Variants in TMC1 observed in about 807,000 individuals in gnomAD.
TMC1 encodes the protein transmembrane channel-like protein 1.
Under a neutral mutation model 105.8 loss-of-function variants are expected in TMC1, and 84 were observed. The ratio of observed to expected loss-of-function variants is 0.79; its 90% confidence interval spans 0.67 to 0.95. The LOEUF (loss-of-function observed/expected upper bound fraction) is 0.95. Ranked by LOEUF, TMC1 falls within the 40% of genes least tolerant of loss-of-function variation. The probability of loss-of-function intolerance (pLI) is 0.00; values close to 1 mark genes in which losing one functional copy is unlikely to be tolerated. For missense variants in TMC1, 817 were observed against 914.1 expected (o/e 0.89, Z 1.37); for synonymous variants, 315 against 311.5 (o/e 1.01, Z -0.12).
At chr9:72,606,969 A>ATG (rs1227438933) in intron 2 of TMC1, among the ~76,000 whole-genome samples, 1 of 130,012 alleles carries the variant, frequency 7.7e-6, no homozygotes, top group African/African-American at 3.1e-5. Flanking sequence ...GTATGTATGT[A>ATG]TGTGTGTGTG....
At chr9:72,570,230 A>AGTGTGTGTGTGTGTGTGTGTGT (rs3223165) in intron 1 of TMC1, among the ~76,000 whole-genome samples, 3 of 145,714 alleles carry the variant, frequency 2.1e-5, no homozygotes, top group African/African-American at 7.5e-5. Context: ...CTCAAAGAGT[A>AGTGTGTGTGTGTGTGTGTGTGT]GTGTGTGTGT....
intron 1 of TMC1, among the ~76,000 whole-genome samples, chr9:72,571,442 C>CTTTTTTTTTTT (rs35382914): frequency 1.4e-5 from 2 of 139,092 alleles, no homozygotes; most frequent in Non-Finnish European, 3.1e-5. Context: ...CAACCTCACG[C>CTTTTTTTTTTT]TTTTTTTTTT....
At chr9:72,810,152 A>C (rs1028002581) in intron 18 of TMC1, among the ~76,000 whole-genome samples, 5 of 151,856 alleles carry the variant, frequency 3.3e-5, no homozygotes, top group Admixed American at 6.6e-5. Flanking sequence ...AAAAAAAAAA[A>C]AAAACTAAAA....
intron 4 of TMC1, among the ~76,000 whole-genome samples, chr9:72,640,337 T>A (rs183474567): frequency 6.6e-6 from 1 of 152,316 alleles, no homozygotes; most frequent in Non-Finnish European, 1.5e-5. Context: ...GCCAATCCTT[T>A]ATTGTAAAGA....
intron 8 of TMC1, among the ~76,000 whole-genome samples, chr9:72,726,109 G>A (rs926794759): frequency 3.9e-5 from 6 of 152,072 alleles, no homozygotes; most frequent in African/African-American, 1.2e-4. Flanking sequence ...ATAACAAATC[G>A]TGTGAAAGGA....
At chr9:72,794,101 A>G (rs1828323477) in intron 17 of TMC1, among the ~76,000 whole-genome samples, 1 of 150,472 alleles carries the variant, frequency 6.6e-6, no homozygotes, top group Non-Finnish European at 1.5e-5. Context: ...CCTTGTCACC[A>G]GACAGGGAAC....
In TMC1 at chr9:72,701,919, T is replaced by C. The variant is rs573522120; in HGVS notation, c.362+1276T>C. Among the ~76,000 whole-genome samples, 11 of 152,310 alleles carry C rather than the reference T, an allele frequency of 7.2e-5. No individual in the cohort carries two copies. In the East Asian group the frequency reaches 9.6e-4, roughly 13 times the overall value. On this transcript the variant is annotated intron_variant, in intron 8 of 23. Coordinates refer to ENST00000297784, the MANE Select transcript of TMC1 (RefSeq NM_138691.3). ...TCTGGGAACTCCCTTTGCATGCTCA[T>C]GTACACATCCATCATAAATGAAGGC...
intron 2 of TMC1, among the ~76,000 whole-genome samples, chr9:72,592,321 A>C (rs1163023975): frequency 6.6e-6 from 1 of 152,238 alleles, no homozygotes; most frequent in African/African-American, 2.4e-5. Context: ...GGAACCTGGA[A>C]GGGAAGATCA....
intron 21 of TMC1, among the ~76,000 whole-genome samples, chr9:72,827,730 C>T (rs959924338): frequency 2.0e-5 from 3 of 152,352 alleles, no homozygotes; most frequent in Middle Eastern, 6.8e-3. Flanking sequence ...CTCTTCCTTT[C>T]AGTCCCTGAG....
chr9:72,727,831 T>C (rs928506473), intron 8 of TMC1, among the ~76,000 whole-genome samples: 5 of 152,108 alleles, frequency 3.3e-5, no homozygotes, highest in African/African-American at 1.2e-4. Flanking sequence ...CAGGTATTAG[T>C]GTTGCTAATA....
intron 4 of TMC1, among the ~76,000 whole-genome samples, chr9:72,645,754 T>TA (rs1467467819): frequency 6.6e-6 from 1 of 152,216 alleles, no homozygotes; most frequent in African/African-American, 2.4e-5. Flanking sequence ...GCAGCCACCT[T>TA]ACAGTCTTGA....
intron 8 of TMC1, among the ~76,000 whole-genome samples, chr9:72,738,033 T>A (rs1248768383): frequency 6.6e-6 from 1 of 152,162 alleles, no homozygotes; most frequent in East Asian, 1.9e-4. Context: ...ATAAAATTAT[T>A]AGATACTCCC....
At chr9:72,606,998 T>TAGAGAG (rs566531350) in intron 2 of TMC1, among the ~76,000 whole-genome samples, 11,361 of 116,662 alleles carry the variant, frequency 0.097, 486 homozygotes, top group East Asian at 0.19. Flanking sequence ...TATATATATA[T>TAGAGAG]ATATAGAGAG....
intron 13 of TMC1, among the ~76,000 whole-genome samples, chr9:72,778,024 T>A (rs1828033057): frequency 1.3e-5 from 2 of 152,210 alleles, no homozygotes; most frequent in South Asian, 4.1e-4. Flanking sequence ...GGGTATTTCA[T>A]GGTGAGCAAA....
At chr9:72,835,747 C>T (rs1428466508) in intron 23 of TMC1, among the ~76,000 whole-genome samples, 1 of 147,158 alleles carries the variant, frequency 6.8e-6, no homozygotes, top group Non-Finnish European at 1.5e-5. Flanking sequence ...GAAGCCTTTG[C>T]AAACTAAGAA....
intron 7 of TMC1, among the ~76,000 whole-genome samples, chr9:72,698,417 T>A (rs1826587190): frequency 6.6e-6 from 1 of 152,190 alleles, no homozygotes; most frequent in South Asian, 2.1e-4. Context: ...GTCCTTTTCC[T>A]CAACTAGAAC....
intron 2 of TMC1, among the ~76,000 whole-genome samples, chr9:72,607,593 G>A (rs1257974987): frequency 6.7e-6 from 1 of 148,508 alleles, no homozygotes; most frequent in Non-Finnish European, 1.5e-5. Flanking sequence ...TTCAGCCTGG[G>A]CGAGAATGCA....
chr9:72,741,318 G>A (rs1827386264), intron 9 of TMC1: 1 of 336,428 alleles, frequency 3.0e-6, no homozygotes. Context: ...TTTCAGGACA[G>A]CCAGCTTAAC....
Position 72,616,413 on chromosome 9 carries a change from A to G in TMC1, c.-260A>G, listed in dbSNP as rs969023680. ...TAGTCTGCGTGGTGCAGTGGAACAG[A>G]TAGACCTCGGTTTGAATCTCAGCTC... On this transcript the variant is annotated 5_prime_UTR_variant, in exon 3 of 24. Transcript: ENST00000297784. 2 of 152,082 alleles carry G rather than the reference A, an allele frequency of 1.3e-5. No homozygotes were observed. Among genetic ancestry groups the G allele is most frequent in the Admixed American group, 6.6e-5 (1 of 15,264 alleles). The allele number at this position is 152,082 out of a possible 1,614,324, so 9.4% of individuals were successfully genotyped here.
Sources: gnomAD v4.1 joint callset for allele counts (sites outside exome capture counted in the v4.1 genomes callset) on GRCh38, gnomAD v4.1.1 for gene constraint, MANE v1.5 for transcripts, NCBI Gene and HGNC (gene_info 2026-07-23, HGNC 2026-07-21) for gene names.